CDC42SE2: variants seen among roughly 807,000 people sequenced by gnomAD.
The protein encoded by CDC42SE2 is CDC42 small effector 2, also known as CDC42 small effector protein 2.
In CDC42SE2, 3 loss-of-function variants were observed where a neutral mutation model predicts 11.5. That is an observed-to-expected ratio of 0.26 (90% CI 0.12 to 0.67). The LOEUF (loss-of-function observed/expected upper bound fraction) is 0.67, where lower values mean the gene tolerates loss of function less well. Ranked by LOEUF, CDC42SE2 falls within the 30% of genes least tolerant of loss-of-function variation. The pLI is 0.80. For synonymous variants in CDC42SE2, 33 were observed against 34.8 expected (o/e 0.95, Z 0.18); for missense variants, 82 against 106.8 (o/e 0.77, Z 1.02).
intron 1 of CDC42SE2, among the ~76,000 whole-genome samples, chr5:131,308,755 T>C (rs564641176): frequency 2.7e-5 from 4 of 150,702 alleles, no homozygotes; most frequent in Non-Finnish European, 4.4e-5. Flanking sequence ...TTGTCTGTTG[T>C]TGGTGTATAA....
chr5:131,328,422 T>G (rs1277524746), intron 2 of CDC42SE2, among the ~76,000 whole-genome samples: 2 of 152,218 alleles, frequency 1.3e-5, no homozygotes, highest in Non-Finnish European at 2.9e-5. Context: ...TCTTCACTTC[T>G]TTTATCTTTA....
At chr5:131,275,879 CA>C (rs1191850900) in intron 1 of CDC42SE2, among the ~76,000 whole-genome samples, 50 of 141,890 alleles carry the variant, frequency 3.5e-4, no homozygotes, top group East Asian at 1.0e-3. Context: ...ACTCTCCTTT[CA>C]AAAAAAAAAG....
chr5:131,337,455 T>G (rs1758600654), intron 2 of CDC42SE2, among the ~76,000 whole-genome samples: 1 of 152,178 alleles, frequency 6.6e-6, no homozygotes, highest in South Asian at 2.1e-4. Context: ...GTTCTCAGAT[T>G]TGAAGCTGCA....
the CDC42SE2 span, among the ~76,000 whole-genome samples, chr5:131,238,268 CG>C: frequency 2.0e-5 from 3 of 151,888 alleles, no homozygotes; most frequent in Non-Finnish European, 2.9e-5. Flanking sequence ...GAGACCGAGG[CG>C]GATGGATCGC....
rs539798310 is a variant in CDC42SE2 at position 131,349,187 on chromosome 5, C to G, written c.-285-10022C>G. On this transcript the variant is annotated intron_variant, in intron 2 of 4. Coordinates refer to ENST00000505065, the MANE Select transcript of CDC42SE2 (RefSeq NM_001375635.1). ...CCATAAAAAAGGATGAGTTCATATC[C>G]TTTGTAGCGACATGGATGAAGCTGG... Among the ~76,000 whole-genome samples the G allele has an allele frequency of 1.7e-3, 266 of 152,164 alleles. 1 individual carries two copies. The highest frequency in any genetic ancestry group is 6.3e-3 in the African/African-American group (261 of 41,504).
intron 1 of CDC42SE2, among the ~76,000 whole-genome samples, chr5:131,300,301 G>C (rs1757652765): frequency 6.6e-6 from 1 of 152,278 alleles, no homozygotes; most frequent in Middle Eastern, 3.4e-3. Flanking sequence ...GAACAAGTGA[G>C]AGCAAGAGAG....
Position 131,338,279 on chromosome 5 carries a change from C to A in CDC42SE2, c.-285-20930C>A, listed in dbSNP as rs192647871. Among the ~76,000 whole-genome samples, 142 of 152,310 alleles carry A rather than the reference C, an allele frequency of 9.3e-4. 1 individual carries two copies. The highest frequency in any genetic ancestry group is 6.8e-3 in the Middle Eastern group (2 of 294). On this transcript the variant is annotated intron_variant, in intron 2 of 4. Coordinates refer to ENST00000505065, the MANE Select transcript of CDC42SE2 (RefSeq NM_001375635.1). ...CTGATTCATCCCAAACCCTTCGTAG[C>A]ATGTCATCAGTGATAGCTGGAGTGA...
At chr5:131,372,572 G>T (rs983051681) in intron 3 of CDC42SE2, among the ~76,000 whole-genome samples, 1 of 152,022 alleles carries the variant, frequency 6.6e-6, no homozygotes, top group African/African-American at 2.4e-5. Flanking sequence ...AAATTAGCTG[G>T]GTGTGGTGGC....
chr5:131,286,473 A>G (rs1757344217), intron 1 of CDC42SE2, among the ~76,000 whole-genome samples: 1 of 150,138 alleles, frequency 6.7e-6, no homozygotes, highest in African/African-American at 2.5e-5. Context: ...GAGGGAATGA[A>G]TGCCAACTAT....
At chr5:131,339,703 G>T (rs2149751424) in intron 2 of CDC42SE2, among the ~76,000 whole-genome samples, 1 of 151,816 alleles carries the variant, frequency 6.6e-6, no homozygotes, top group Non-Finnish European at 1.5e-5. Flanking sequence ...CCAGCTACTT[G>T]TGAGGCTGAG....
intron 2 of CDC42SE2, among the ~76,000 whole-genome samples, chr5:131,317,108 A>ATT (rs201522948): frequency 6.7e-6 from 1 of 149,212 alleles, no homozygotes; most frequent in African/African-American, 2.5e-5. Flanking sequence ...AATTACAGAG[A>ATT]TTTTTTTTTT....
At chr5:131,377,937 GTTTC>G (rs1454477753) in intron 3 of CDC42SE2, among the ~76,000 whole-genome samples, 3 of 152,160 alleles carry the variant, frequency 2.0e-5, no homozygotes, top group Non-Finnish European at 4.4e-5. Flanking sequence ...AGCTGACATT[GTTTC>G]TTTAAAAAAG....
chr5:131,254,004 G>C (rs923419546), intron 1 of CDC42SE2, among the ~76,000 whole-genome samples: 1 of 152,044 alleles, frequency 6.6e-6, no homozygotes, highest in Non-Finnish European at 1.5e-5. Flanking sequence ...GATTTCACAG[G>C]GCTTTCTGTT....
chr5:131,276,224 A>T (rs1757097921), intron 1 of CDC42SE2, among the ~76,000 whole-genome samples: 1 of 145,804 alleles, frequency 6.9e-6, no homozygotes, highest in African/African-American at 2.6e-5. Flanking sequence ...AGGTGAGTGG[A>T]TTGCTTGAGC....
chr5:131,247,229 G>T (rs184399574), intron 1 of CDC42SE2, among the ~76,000 whole-genome samples: 1 of 152,108 alleles, frequency 6.6e-6, no homozygotes, highest in African/African-American at 2.4e-5. Context: ...TTTTAAAAAG[G>T]TAATATCCTA....
the CDC42SE2 span, among the ~76,000 whole-genome samples, chr5:131,221,300 G>A: frequency 2.0e-5 from 3 of 148,734 alleles, no homozygotes; most frequent in Admixed American, 1.3e-4. Flanking sequence ...ATTTTTTTGC[G>A]ATTTTTTTTT....
intron 1 of CDC42SE2, among the ~76,000 whole-genome samples, chr5:131,254,193 C>A (rs1240715214): frequency 6.6e-6 from 1 of 152,176 alleles, no homozygotes; most frequent in African/African-American, 2.4e-5. Flanking sequence ...CAGCCCCGCA[C>A]CTCCCCCCAG....
the CDC42SE2 span, among the ~76,000 whole-genome samples, chr5:131,235,342 T>C: frequency 6.7e-6 from 1 of 149,884 alleles, no homozygotes; most frequent in African/African-American, 2.5e-5. Flanking sequence ...CAGGCTGGAG[T>C]GCAGTGGCAT....
At chr5:131,349,850 A>T (rs1758957185) in intron 2 of CDC42SE2, among the ~76,000 whole-genome samples, 1 of 152,246 alleles carries the variant, frequency 6.6e-6, no homozygotes, top group South Asian at 2.1e-4. Context: ...CAAATAAAAA[A>T]TTTAATATAC....
Sources: gnomAD v4.1 joint callset for allele counts (sites outside exome capture counted in the v4.1 genomes callset) on GRCh38, gnomAD v4.1.1 for gene constraint, MANE v1.5 for transcripts, NCBI Gene and HGNC (gene_info 2026-07-23, HGNC 2026-07-21) for gene names.